The following SLC4A4 variants were observed in gnomAD, a reference collection of about 807,000 sequenced individuals.
SLC4A4 encodes electrogenic sodium bicarbonate cotransporter 1.
Under a neutral mutation model 111.5 loss-of-function variants are expected in SLC4A4, and 27 were observed. The observed-to-expected ratio is 0.24, with a 90% CI of 0.18 to 0.33. The LOEUF (loss-of-function observed/expected upper bound fraction) is 0.33. SLC4A4 is among the 10% of genes least tolerant of loss of function. SLC4A4 has a pLI of 1.00. For synonymous variants in SLC4A4, 443 were observed against 463.4 expected, an observed-to-expected ratio of 0.96 and a Z score of 0.57; for missense variants, 909 against 1,315.5, an observed-to-expected ratio of 0.69 and a Z score of 4.78.
chr4:71,107,827 C>T (rs959387823), intron 2 of SLC4A4, among the ~76,000 whole-genome samples: 2 of 151,574 alleles, frequency 1.3e-5, no homozygotes, highest in African/African-American at 4.8e-5. Flanking sequence ...CCTGCCTCAG[C>T]CGCCTGAGTA....
At chr4:71,113,471 G>A (rs1743152548) in intron 2 of SLC4A4, among the ~76,000 whole-genome samples, 1 of 152,178 alleles carries the variant, frequency 6.6e-6, no homozygotes, top group Non-Finnish European at 1.5e-5. Flanking sequence ...CCACTAGTGG[G>A]CACTGAAGAT....
intron 2 of SLC4A4, 22 bp downstream of exon 2, chr4:71,236,671 A>G (rs996489242): frequency 1.3e-6 from 2 of 1,597,126 alleles, no homozygotes; most frequent in African/African-American, 2.7e-5. Context: ...GGGTCTGGGA[A>G]AGTGTCTGTT....
At chr4:71,561,169 CTACTTAG>C (rs760200285) in intron 23 of SLC4A4, among the ~76,000 whole-genome samples, 4 of 151,756 alleles carry the variant, frequency 2.6e-5, no homozygotes, top group Non-Finnish European at 4.4e-5. Context: ...TTGTTAGTTT[CTACTTAG>C]TACTTGATAA....
intron 23 of SLC4A4, among the ~76,000 whole-genome samples, chr4:71,560,945 A>G (rs1560623303): frequency 6.6e-6 from 1 of 151,802 alleles, no homozygotes; most frequent in Non-Finnish European, 1.5e-5. Context: ...TCACAGAAAT[A>G]CAGATTCTCC....
At chr4:71,231,321 G>C (rs528655420) in intron 1 of SLC4A4, among the ~76,000 whole-genome samples, 1 of 152,334 alleles carries the variant, frequency 6.6e-6, no homozygotes, top group East Asian at 1.9e-4. Flanking sequence ...GGAACTTAGA[G>C]GGGTGGAATG....
Position 71,177,624 on chromosome 4 carries a change from A to G in SLC4A4, c.-1-58952A>G, listed in dbSNP as rs371420708. 1.8e-4 allele frequency among the ~76,000 whole-genome samples: 27 copies of G among 152,300 alleles called. No homozygotes were observed. In the East Asian group the frequency reaches 2.1e-3, roughly 12 times the overall value. On this transcript the variant is annotated intron_variant, in intron 2 of 26. Transcript: ENST00000649996. Reference sequence around the variant, plus strand: ...TAAAGGGATCAATTCAACAAGAAGAACTAACTATCCTAAATATATATGCAC... The same window carrying G: ...TAAAGGGATCAATTCAACAAGAAGAGCTAACTATCCTAAATATATATGCAC...
At chr4:71,093,700 C>A (rs10005463) in intron 2 of SLC4A4, among the ~76,000 whole-genome samples, 1 of 151,954 alleles carries the variant, frequency 6.6e-6, no homozygotes, top group Non-Finnish European at 1.5e-5. Flanking sequence ...GAAAAATGAG[C>A]GTGGAGATGC....
intron 3 of SLC4A4, among the ~76,000 whole-genome samples, chr4:71,266,907 A>G (rs1445067627): frequency 6.6e-6 from 1 of 152,238 alleles, no homozygotes; most frequent in Admixed American, 6.5e-5. Flanking sequence ...TATAGAAATG[A>G]AAATTTCATG....
intron 2 of SLC4A4, among the ~76,000 whole-genome samples, chr4:71,107,980 T>C (rs947378276): frequency 2.0e-5 from 3 of 152,210 alleles, no homozygotes; most frequent in Non-Finnish European, 4.4e-5. Context: ...GGGTGTTACA[T>C]TTAACATCCT....
At chr4:71,314,031 T>A (rs948498633) in intron 3 of SLC4A4, among the ~76,000 whole-genome samples, 1 of 151,604 alleles carries the variant, frequency 6.6e-6, no homozygotes, top group South Asian at 2.1e-4. Flanking sequence ...CTGACAAAGG[T>A]CTAATTTCCA....
At chr4:71,422,246 A>G (rs1722595005) in intron 7 of SLC4A4, among the ~76,000 whole-genome samples, 1 of 144,108 alleles carries the variant, frequency 6.9e-6, no homozygotes, top group Non-Finnish European at 1.5e-5. Flanking sequence ...GAAGAAATGG[A>G]TAAATTCCTC....
rs570955992 is a variant in SLC4A4 at position 71,537,354 on chromosome 4, GTATA to G, written c.2442+2971_2442+2974del. ...GTGTGTATATATTATACATATATGT[GTATA>G]TATACATATGTGTGTATATATACAT... On this transcript the variant is annotated intron_variant, in intron 18 of 25. Coordinates refer to ENST00000264485, the MANE Select transcript of SLC4A4 (RefSeq NM_001098484.3). Among the ~76,000 whole-genome samples the G allele has an allele frequency of 3.2e-3, 482 of 149,240 alleles. 4 individuals are homozygous for G. Among genetic ancestry groups the G allele is most frequent in the African/African-American group, 0.011 (447 of 39,318 alleles).
intron 3 of SLC4A4, chr4:71,301,152 CAGT>C (rs1208572241): frequency 3.0e-6 from 1 of 330,464 alleles, no homozygotes; most frequent in African/African-American, 2.2e-5. Context: ...CCACACGTGG[CAGT>C]AGATAGGAGC....
chr4:71,115,543 G>T (rs1160029437), intron 2 of SLC4A4, among the ~76,000 whole-genome samples: 1 of 152,256 alleles, frequency 6.6e-6, no homozygotes, highest in South Asian at 2.1e-4. Context: ...GACCTAATGT[G>T]TGTCTTCATA....
chr4:71,177,758 T>C (rs1387616311), intron 2 of SLC4A4, among the ~76,000 whole-genome samples: 1 of 152,114 alleles, frequency 6.6e-6, no homozygotes, highest in Non-Finnish European at 1.5e-5. Context: ...CTGTCAACAT[T>C]AGACAGATGA....
At chr4:71,262,623 G>A (rs1317864269) in intron 3 of SLC4A4, among the ~76,000 whole-genome samples, 1 of 152,022 alleles carries the variant, frequency 6.6e-6, no homozygotes, top group African/African-American at 2.4e-5. Context: ...GAATTCCTAA[G>A]GCAATACTTC....
At chr4:71,433,946 C>T (rs1393892723) in intron 7 of SLC4A4, among the ~76,000 whole-genome samples, 1 of 151,920 alleles carries the variant, frequency 6.6e-6, no homozygotes, top group Non-Finnish European at 1.5e-5. Context: ...GTGGATTTCT[C>T]TCAAAAGCAT....
intron 2 of SLC4A4, among the ~76,000 whole-genome samples, chr4:71,246,299 G>C (rs990534583): frequency 8.5e-5 from 13 of 152,182 alleles, no homozygotes; most frequent in African/African-American, 3.1e-4. Context: ...GTAGGAGTTG[G>C]AATAACTAGG....
intron 2 of SLC4A4, among the ~76,000 whole-genome samples, chr4:71,100,626 A>C (rs1742700316): frequency 6.6e-6 from 1 of 152,166 alleles, no homozygotes; most frequent in African/African-American, 2.4e-5. Flanking sequence ...GAAAGAAAAG[A>C]TATCCAAATA....
Sources: allele counts gnomAD v4.1 joint callset (sites outside exome capture counted in the v4.1 genomes callset), GRCh38; gene constraint gnomAD v4.1.1; transcripts MANE v1.5; gene names NCBI Gene and HGNC (gene_info 2026-07-23, HGNC 2026-07-21).